Variants in CDH12 observed in about 807,000 individuals in gnomAD.
The protein encoded by CDH12 is cadherin 12, also known as cadherin-12.
A neutral mutation model predicts 74.1 loss-of-function variants in CDH12; 41 were observed. That is an observed-to-expected ratio of 0.55 (90% CI 0.43 to 0.72). The LOEUF (loss-of-function observed/expected upper bound fraction) is 0.72, where lower values mean the gene tolerates loss of function less well. Among genes scored for constraint, CDH12 ranks in the 30% least tolerant of loss-of-function variants. The probability of loss-of-function intolerance (pLI) is 0.00; values close to 1 mark genes in which losing one functional copy is unlikely to be tolerated. For synonymous variants in CDH12, 399 were observed against 355.0 expected (o/e 1.12, Z -1.39); for missense variants, 945 against 977.2 (o/e 0.97, Z 0.44).
chr5:22,424,327 G>A (rs1743800886), intron 2 of CDH12, among the ~76,000 whole-genome samples: 1 of 152,072 alleles, frequency 6.6e-6, no homozygotes, highest in Non-Finnish European at 1.5e-5. Context: ...AGAGTACGGC[G>A]TTTCTTTCTT....
chr5:22,240,256 C>T (rs1219393559), intron 3 of CDH12, among the ~76,000 whole-genome samples: 2 of 152,074 alleles, frequency 1.3e-5, no homozygotes, highest in African/African-American at 2.4e-5. Flanking sequence ...TCTATTTAGA[C>T]AACTGAATTA....
At chr5:22,460,454 C>A (rs182239796) in intron 2 of CDH12, among the ~76,000 whole-genome samples, 32 of 151,704 alleles carry the variant, frequency 2.1e-4, no homozygotes, top group African/African-American at 7.7e-4. Context: ...CAAATACAGA[C>A]AAAAATTGTG....
chr5:22,487,084 C>A (rs1470784760), intron 2 of CDH12, among the ~76,000 whole-genome samples: 1 of 150,832 alleles, frequency 6.6e-6, no homozygotes, highest in Non-Finnish European at 1.5e-5. Flanking sequence ...CTTGCTGCAA[C>A]CTCTGCCTAC....
At chr5:22,244,547 AAGAAGAAGAAAGAG>A (rs1752857206) in intron 3 of CDH12, among the ~76,000 whole-genome samples, 2 of 119,526 alleles carry the variant, frequency 1.7e-5, no homozygotes, top group Non-Finnish European at 3.5e-5. Flanking sequence ...GAAGAAGAAG[AAGAAGAAGAAAGAG>A]AGAAAGAGAG....
At chr5:22,293,557 G>A (rs1737494815) in intron 3 of CDH12, among the ~76,000 whole-genome samples, 1 of 151,990 alleles carries the variant, frequency 6.6e-6, no homozygotes, top group Non-Finnish European at 1.5e-5. Context: ...GCCAAGATAT[G>A]AAATAAATCT....
At chr5:22,645,471 T>C (rs1739390381) in intron 1 of CDH12, among the ~76,000 whole-genome samples, 1 of 151,988 alleles carries the variant, frequency 6.6e-6, no homozygotes, top group Non-Finnish European at 1.5e-5. Flanking sequence ...TTTTATGGAT[T>C]AGCAAATAAA....
chr5:21,955,685 C>T (rs1756064088), intron 6 of CDH12, among the ~76,000 whole-genome samples: 2 of 151,940 alleles, frequency 1.3e-5, no homozygotes, highest in Admixed American at 6.6e-5. Flanking sequence ...TCTTAAGGAG[C>T]CCTCCCCTAA....
intron 3 of CDH12, among the ~76,000 whole-genome samples, chr5:22,380,982 T>C (rs1741735814): frequency 6.6e-6 from 1 of 152,112 alleles, no homozygotes; most frequent in Admixed American, 6.6e-5. Context: ...TTATACTGTA[T>C]AAGAAGTGCT....
chr5:21,884,197 C>A (rs945190611), intron 6 of CDH12: 5 of 1,584,116 alleles, frequency 3.2e-6, no homozygotes, highest in Non-Finnish European at 3.5e-6. Flanking sequence ...GCTGGTGTGG[C>A]CTCTCTGTTA....
intron 5 of CDH12, among the ~76,000 whole-genome samples, chr5:22,038,988 C>T (rs1345095019): frequency 1.3e-5 from 2 of 152,158 alleles, no homozygotes; most frequent in African/African-American, 4.8e-5. Context: ...TAAATTATAG[C>T]TGTGACGCTT....
intron 1 of CDH12, among the ~76,000 whole-genome samples, chr5:22,569,175 A>G (rs1343500051): frequency 1.3e-5 from 2 of 152,206 alleles, no homozygotes; most frequent in East Asian, 1.9e-4. Context: ...TCCCTCCCCA[A>G]ATCTCATGTT....
chr5:22,560,844 T>C (rs1050113175), intron 1 of CDH12, among the ~76,000 whole-genome samples: 17 of 152,164 alleles, frequency 1.1e-4, no homozygotes, highest in African/African-American at 4.1e-4. Flanking sequence ...TTGCTTTCTT[T>C]AGTTTAACAA....
intron 1 of CDH12, among the ~76,000 whole-genome samples, chr5:22,642,093 T>C (rs148347734): frequency 3.3e-5 from 5 of 152,336 alleles, no homozygotes; most frequent in East Asian, 3.9e-4. Flanking sequence ...CTTAGGAATA[T>C]ACATCAGTAA....
chr5:21,783,853 G>A (rs550733780), intron 10 of CDH12, among the ~76,000 whole-genome samples: 3 of 152,086 alleles, frequency 2.0e-5, no homozygotes, highest in Non-Finnish European at 4.4e-5. Flanking sequence ...TGTAAATGGG[G>A]TTGAGAGAAG....
At chr5:22,354,611 G>C (rs745818918) in intron 3 of CDH12, among the ~76,000 whole-genome samples, 8 of 152,258 alleles carry the variant, frequency 5.3e-5, no homozygotes, top group Non-Finnish European at 1.0e-4. Flanking sequence ...TGGAGGATCT[G>C]CTGGGGAGAA....
At chr5:21,830,556 C>G (rs1441939575) in intron 8 of CDH12, among the ~76,000 whole-genome samples, 1 of 152,120 alleles carries the variant, frequency 6.6e-6, no homozygotes, top group Non-Finnish European at 1.5e-5. Context: ...GGAATTATCT[C>G]TGGCACATGA....
At chr5:22,118,285 T>G (rs1489373883) in intron 4 of CDH12, among the ~76,000 whole-genome samples, 1 of 152,298 alleles carries the variant, frequency 6.6e-6, no homozygotes. Flanking sequence ...AAATTAATCT[T>G]AAATGAATCA....
At chr5:22,628,798 T>C (rs1375503472) in intron 1 of CDH12, among the ~76,000 whole-genome samples, 1 of 151,970 alleles carries the variant, frequency 6.6e-6, no homozygotes, top group Non-Finnish European at 1.5e-5. Context: ...AAAAGATCGA[T>C]GAATCCAGAA....
intron 4 of CDH12, among the ~76,000 whole-genome samples, chr5:22,154,772 T>C (rs902735092): frequency 1.3e-5 from 2 of 152,072 alleles, no homozygotes; most frequent in African/African-American, 4.8e-5. Context: ...TCTATTGCAT[T>C]GTCACAAATT....
Sources: gnomAD v4.1 joint callset for allele counts (sites outside exome capture counted in the v4.1 genomes callset) on GRCh38, gnomAD v4.1.1 for gene constraint, MANE v1.5 for transcripts, NCBI Gene and HGNC (gene_info 2026-07-23, HGNC 2026-07-21) for gene names.